Variants in MMP26 observed in about 807,000 individuals in gnomAD.
MMP26 encodes matrix metalloproteinase-26.
A neutral mutation model predicts 31.0 loss-of-function variants in MMP26; 33 were observed. The ratio of observed to expected loss-of-function variants is 1.06; its 90% confidence interval spans 0.81 to 1.42. The LOEUF is 1.42. Ranked by LOEUF, MMP26 falls within the 40% of genes most tolerant of loss-of-function variation. The pLI, the probability that MMP26 is intolerant of heterozygous loss-of-function variation, is 0.00. For synonymous variants in MMP26, 122 were observed against 114.9 expected (o/e 1.06, Z -0.40); for missense variants, 347 against 316.1 (o/e 1.10, Z -0.74).
intron 2 of MMP26, among the ~76,000 whole-genome samples, chr11:4,912,397 T>A (rs966461690): frequency 3.3e-5 from 5 of 152,174 alleles, no homozygotes; most frequent in African/African-American, 1.2e-4. Flanking sequence ...AACTCCTTTA[T>A]GGGGACTGAA....
At chr11:4,921,495 T>C (rs1851184095) in intron 2 of MMP26, among the ~76,000 whole-genome samples, 1 of 152,240 alleles carries the variant, frequency 6.6e-6, no homozygotes, top group South Asian at 2.1e-4. Flanking sequence ...ATGGAAACAC[T>C]GTACTAAGAA....
At chr11:4,959,070 C>A (rs942365584) in intron 2 of MMP26, among the ~76,000 whole-genome samples, 1 of 151,790 alleles carries the variant, frequency 6.6e-6, no homozygotes, top group African/African-American at 2.4e-5. Context: ...AACCCAGTCT[C>A]TACTAAAAAT....
intron 2 of MMP26, among the ~76,000 whole-genome samples, chr11:4,817,578 C>T (rs1447054368): frequency 1.3e-5 from 2 of 152,030 alleles, no homozygotes; most frequent in Admixed American, 1.3e-4. Context: ...CAGAGTGAGA[C>T]TGCATCTTAA....
rs1226570391 is a variant in MMP26, at chr11:4,781,313, C to T, written c.-145+13972C>T. 1.3e-4 allele frequency among the ~76,000 whole-genome samples: 9 copies of T among 71,538 alleles called. 2 individuals are homozygous for T. Among genetic ancestry groups the T allele is most frequent in the African/African-American group, 3.4e-4 (3 of 8,814 alleles). 46.9% of individuals were successfully genotyped at this position (71,538 alleles called of 152,430 possible). ...CCTTAAAAACTGATTGCAGGGAGGC[C>T]GAGGTGGGTGGATCATGAGGTCAGG... On this transcript the variant is annotated intron_variant, in intron 2 of 7. Transcript: ENST00000380390.
intron 2 of MMP26, among the ~76,000 whole-genome samples, chr11:4,851,677 C>T (rs1189355171): frequency 6.6e-6 from 1 of 151,324 alleles, no homozygotes; most frequent in Non-Finnish European, 1.5e-5. Context: ...AATAGCACAA[C>T]AAGGGGGAGG....
At chr11:4,754,902 A>G (rs1228192711) in intron 1 of MMP26, among the ~76,000 whole-genome samples, 1 of 151,998 alleles carries the variant, frequency 6.6e-6, no homozygotes, top group Admixed American at 6.6e-5. Flanking sequence ...GATTGCATCT[A>G]AATTCAGTCT....
At chr11:4,711,370 A>G (rs887754990) in intron 1 of MMP26, 3 of 152,220 alleles carry the variant, frequency 2.0e-5, no homozygotes, top group Non-Finnish European at 4.4e-5. Context: ...ACATATCCCA[A>G]ACATTACAAC....
chr11:4,834,854 G>T (rs1472018619), intron 2 of MMP26, among the ~76,000 whole-genome samples: 6 of 152,180 alleles, frequency 3.9e-5, no homozygotes, highest in African/African-American at 1.2e-4. Context: ...ATGGTCTTCA[G>T]ACAGGTTTTG....
chr11:4,777,609 T>C (rs760407303), intron 2 of MMP26, among the ~76,000 whole-genome samples: 2 of 152,118 alleles, frequency 1.3e-5, no homozygotes, highest in Non-Finnish European at 2.9e-5. Flanking sequence ...CTTTTTAAGA[T>C]ATTTCAACCA....
intron 1 of MMP26, chr11:4,718,615 T>G (rs1003055174): frequency 6.5e-6 from 1 of 154,502 alleles, no homozygotes; most frequent in African/African-American, 2.4e-5. Context: ...GTTCAATATG[T>G]CAACTTTGCA....
intron 2 of MMP26, among the ~76,000 whole-genome samples, chr11:4,852,788 T>G (rs1370215894): frequency 6.6e-6 from 1 of 152,172 alleles, no homozygotes; most frequent in Non-Finnish European, 1.5e-5. Context: ...GAAGCATTAT[T>G]CATAATAGCC....
intron 2 of MMP26, chr11:4,859,619 AT>A (rs551710843): frequency 2.6e-4 from 113 of 434,956 alleles, no homozygotes; most frequent in South Asian, 4.0e-4. Flanking sequence ...ACTAGACCCT[AT>A]TTTTTTTGCC....
intron 2 of MMP26, among the ~76,000 whole-genome samples, chr11:4,788,374 G>A (rs2133440317): frequency 6.6e-6 from 1 of 151,922 alleles, no homozygotes; most frequent in South Asian, 2.1e-4. Flanking sequence ...GAGAATTGAG[G>A]GTTCTAGTTG....
intron 2 of MMP26, chr11:4,848,121 G>A: frequency 1.9e-6 from 2 of 1,064,512 alleles, no homozygotes; most frequent in East Asian, 4.8e-5. Context: ...GAAGCTACAT[G>A]CACATATATG....
rs545543217 is a variant in MMP26, at chr11:4,867,565, A to G, written c.-145+100224A>G. Among the ~76,000 whole-genome samples the G allele has an allele frequency of 1.2e-4, 18 of 151,868 alleles. No individual in the cohort carries two copies. In the South Asian group the frequency reaches 3.5e-3, roughly 30 times the overall value. On this transcript the variant is annotated intron_variant, in intron 2 of 7. Coordinates refer to ENST00000380390, the MANE Select transcript of MMP26 (RefSeq NM_021801.5). ...ACCATCACGTCTGGCTAATTTTTGT[A>G]TTTTTAGTAGAGATGGGGTTTCACC...
intron 2 of MMP26, among the ~76,000 whole-genome samples, chr11:4,932,560 C>A (rs930894575): frequency 6.6e-6 from 1 of 152,108 alleles, no homozygotes; most frequent in Non-Finnish European, 1.5e-5. Flanking sequence ...TGGGAATGAA[C>A]GATATTCAAA....
intron 2 of MMP26, among the ~76,000 whole-genome samples, chr11:4,956,586 A>G (rs1846446804): frequency 1.3e-5 from 2 of 152,330 alleles, no homozygotes; most frequent in Admixed American, 1.3e-4. Flanking sequence ...AAGTCTAAGC[A>G]GAGATGCTAT....
chr11:4,769,071 G>C (rs1468782360), intron 2 of MMP26: 2 of 1,569,712 alleles, frequency 1.3e-6, no homozygotes, highest in East Asian at 2.2e-5. Flanking sequence ...GGTAAAAGCA[G>C]GTATACATTA....
In MMP26 at chr11:4,990,548, G is replaced by A. The variant is rs373470528; in HGVS notation, c.321-50G>A. The A allele has an allele frequency of 5.0e-5, 76 of 1,530,602 alleles. 1 individual carries two copies. In the African/African-American group the frequency reaches 8.0e-4, roughly 16 times the overall value. The allele number at this position is 1,530,602 out of a possible 1,614,324, so 94.8% of individuals were successfully genotyped here. On this transcript the variant is annotated intron_variant, in intron 4 of 7. Coordinates refer to ENST00000380390, the MANE Select transcript of MMP26 (RefSeq NM_021801.5). ...TAGAATTATTCATGTTTAGAGCTAG[G>A]ATAATTCCCATTCCTCTGAACTATT...
Sources: gnomAD v4.1 joint callset for allele counts (sites outside exome capture counted in the v4.1 genomes callset) on GRCh38, gnomAD v4.1.1 for gene constraint, MANE v1.5 for transcripts, NCBI Gene and HGNC (gene_info 2026-07-23, HGNC 2026-07-21) for gene names.